Variants in MYO18B observed in about 807,000 individuals in gnomAD.
The protein encoded by MYO18B is unconventional myosin-XVIIIb.
In MYO18B, 204 loss-of-function variants were observed where a neutral mutation model predicts 273.0. That is an observed-to-expected ratio of 0.75 (90% CI 0.67 to 0.84). The LOEUF (loss-of-function observed/expected upper bound fraction) is 0.84, where lower values mean the gene tolerates loss of function less well. Among genes scored for constraint, MYO18B ranks in the 40% least tolerant of loss-of-function variants. The pLI is 0.00. For missense variants in MYO18B, 3,212 were observed against 3,287.6 expected (o/e 0.98, Z 0.56); for synonymous variants, 1,330 against 1,305.7 (o/e 1.02, Z -0.40).
At chr22:25,878,379 T>TAATG (rs1490967049) in intron 25 of MYO18B, among the ~76,000 whole-genome samples, 1 of 152,272 alleles carries the variant, frequency 6.6e-6, no homozygotes, top group East Asian at 1.9e-4. Flanking sequence ...TATATTAAAA[T>TAATG]AATGAACTTT....
intron 28 of MYO18B, chr22:25,897,393 G>A (rs1311578688): frequency 6.6e-6 from 1 of 152,204 alleles, no homozygotes; most frequent in Non-Finnish European, 1.5e-5. Flanking sequence ...GATGATTTTA[G>A]TGGTCGCTTT....
intron 34 of MYO18B, among the ~76,000 whole-genome samples, chr22:25,921,702 T>TTGTGTGTGTGTGTG (rs3070571): frequency 4.8e-5 from 7 of 145,598 alleles, no homozygotes; most frequent in Admixed American, 6.8e-5. Context: ...AGTGTGCCTG[T>TTGTGTGTGTGTGTG]TGTGTGTGTG....
At chr22:25,902,473 ATCTC>A (rs1488351374) in intron 29 of MYO18B, 136 bp from the exon 30 acceptor site, 3 of 935,626 alleles carry the variant, frequency 3.2e-6, no homozygotes, top group South Asian at 3.8e-5. Flanking sequence ...TACTTTCTCT[ATCTC>A]TCTTCTTCCT....
chr22:25,887,797 C>A (rs573413340), intron 25 of MYO18B, among the ~76,000 whole-genome samples: 1 of 152,246 alleles, frequency 6.6e-6, no homozygotes, highest in South Asian at 2.1e-4. Context: ...TTTGAAAAGA[C>A]TAATTGTCCT....
At chr22:25,988,369 G>T (rs532780334) in intron 39 of MYO18B, among the ~76,000 whole-genome samples, 1 of 152,020 alleles carries the variant, frequency 6.6e-6, no homozygotes, top group Admixed American at 6.5e-5. Context: ...CTCAGGGTGC[G>T]CCCACTGAGT....
At chr22:25,926,658 T>C (rs549728590) in intron 34 of MYO18B, among the ~76,000 whole-genome samples, 39 of 152,280 alleles carry the variant, frequency 2.6e-4, no homozygotes, top group Non-Finnish European at 5.1e-4. Flanking sequence ...GTTAGAACTG[T>C]GTTCACTCTG....
chr22:25,841,193 G>T (rs925511711), intron 17 of MYO18B, among the ~76,000 whole-genome samples: 5 of 152,218 alleles, frequency 3.3e-5, no homozygotes, highest in Non-Finnish European at 7.3e-5. Context: ...CAACCTCCGA[G>T]TGTGACCTGC....
chr22:25,770,015 T>A lies in MYO18B; in HGVS notation c.1513-95T>A, dbSNP rs763299327. The stretch of plus-strand genomic sequence containing the variant: ...CTCCCCCAGGAGATTCTGGTTTAGA[T>A]GGCTCCAGAGCACACTGTGAGAAAC... On this transcript the variant is annotated intron_variant, in intron 4 of 43. Transcript: ENST00000335473. 43 of 1,277,184 alleles carry A rather than the reference T, an allele frequency of 3.4e-5. 1 individual carries two copies. In the South Asian group the frequency reaches 5.2e-4, roughly 15 times the overall value. 79.1% of individuals were successfully genotyped at this position (1,277,184 alleles called of 1,614,324 possible). A position where few individuals can be genotyped will look rare whatever the true frequency, so the allele number is the denominator to read the frequency against.
intron 12 of MYO18B, among the ~76,000 whole-genome samples, chr22:25,811,130 C>T (rs1357655598): frequency 1.3e-5 from 2 of 151,688 alleles, no homozygotes; most frequent in African/African-American, 2.4e-5. Flanking sequence ...TCTCCTGCCT[C>T]AGCCTCCCGA....
chr22:25,825,720 T>C (rs2089466604), intron 13 of MYO18B, among the ~76,000 whole-genome samples: 5 of 152,196 alleles, frequency 3.3e-5, no homozygotes. Flanking sequence ...CTATTGTTGG[T>C]CACTCAAGTC....
chr22:25,907,754 G>A (rs1394671740), intron 31 of MYO18B, among the ~76,000 whole-genome samples: 1 of 152,150 alleles, frequency 6.6e-6, no homozygotes, highest in East Asian at 1.9e-4. Context: ...TGAGAAGGGG[G>A]CCGGGCCCGG....
intron 21 of MYO18B, among the ~76,000 whole-genome samples, chr22:25,867,774 C>T (rs926423811): frequency 5.3e-5 from 8 of 152,210 alleles, no homozygotes; most frequent in East Asian, 1.9e-4. Context: ...GGACTACAGG[C>T]GCCCGCCACC....
At chr22:26,022,389 G>T (rs1470453990) in intron 42 of MYO18B, among the ~76,000 whole-genome samples, 1 of 152,248 alleles carries the variant, frequency 6.6e-6, no homozygotes, top group South Asian at 2.1e-4. Context: ...CAGAACTTGG[G>T]ATCCTTATCC....
chr22:25,955,103 T>A, intron 38 of MYO18B, 76 bp from the exon 39 acceptor site: 1 of 1,406,224 alleles, frequency 7.1e-7, no homozygotes. Context: ...GCAAAGGATT[T>A]ATCTTCCTGA....
Position 25,798,055 on chromosome 22 carries a change from C to T in MYO18B, c.2479C>T (p.Leu827=). Residue 827 remains leucine (L), a synonymous_variant, in exon 12 of 44, where the codon CTG becomes TTG. Transcript: ENST00000335473. ...CGAGCAGCGGGCTGTTTGGCGGGTC[C>T]TGGCAGCCATCTACCACCTGGGTGC... is the stretch of plus-strand genomic sequence containing the variant. ...ESEQRAVWRV[L]AAIYHLGAAG... The T allele has an allele frequency of 6.2e-7, 1 of 1,611,888 alleles. No individual in the cohort carries two copies. Among genetic ancestry groups the T allele is most frequent in the Non-Finnish European group, 8.5e-7 (1 of 1,178,100 alleles).
At chr22:25,996,560 A>AGTGT (rs150956634) in intron 40 of MYO18B, among the ~76,000 whole-genome samples, 1 of 151,506 alleles carries the variant, frequency 6.6e-6, no homozygotes, top group East Asian at 1.9e-4. Flanking sequence ...CTGATGGTGG[A>AGTGT]GTGTGTGTGT....
chr22:25,854,013 G>A (rs1417288308), intron 21 of MYO18B, among the ~76,000 whole-genome samples: 1 of 152,184 alleles, frequency 6.6e-6, no homozygotes, highest in African/African-American at 2.4e-5. Context: ...CAGTTTCTGT[G>A]TGCAAAGCAG....
intron 15 of MYO18B, 31 bp from the exon 16 acceptor site, chr22:25,832,884 AAG>A (rs751394418): frequency 6.3e-7 from 1 of 1,595,354 alleles, no homozygotes; most frequent in Non-Finnish European, 8.6e-7. Context: ...AGCTCGCTAA[AAG>A]TGCTAACTTT....
Position 26,026,467 on chromosome 22 carries a change from A to C in MYO18B, c.6493A>C (p.Thr2165Pro). 6.2e-7 allele frequency: 1 copy of C among 1,612,850 alleles called. No homozygotes were observed. ...CAGGATAAACGAAGAGGCTGGGGAC[A>C]CTGAGAGGACCCAGTCGGCATTGGC... ...SPRINEEAGD[T>P]ERTQSALALS... Residue 2165 changes from threonine (T) to proline (P), a missense_variant, in exon 43 of 44, where the codon ACT (threonine) becomes CCT (proline). Physicochemically the swap from Thr to Pro is conservative, Grantham distance 38. Coordinates refer to ENST00000335473, the MANE Select transcript of MYO18B (RefSeq NM_032608.7).
Sources: allele counts gnomAD v4.1 joint callset (sites outside exome capture counted in the v4.1 genomes callset), GRCh38; gene constraint gnomAD v4.1.1; transcripts MANE v1.5; gene names NCBI Gene and HGNC (gene_info 2026-07-23, HGNC 2026-07-21).